CCNY: variants seen among roughly 807,000 people sequenced by gnomAD.
CCNY encodes cyclin-Y.
Under a neutral mutation model 42.8 loss-of-function variants are expected in CCNY, and 19 were observed. That is an observed-to-expected ratio of 0.44 (90% CI 0.31 to 0.65). The LOEUF is 0.65. CCNY is among the 30% of genes least tolerant of loss of function. CCNY has a pLI of 0.07. For synonymous variants in CCNY, 165 were observed against 162.7 expected, an observed-to-expected ratio of 1.01 and a Z score of -0.11; for missense variants, 370 against 437.3, an observed-to-expected ratio of 0.85 and a Z score of 1.37.
rs770672421 is a variant in CCNY, at chr10:35,566,127, C to T, written c.851C>T (p.Ala284Val). 15 of 1,614,090 alleles carry T rather than the reference C, an allele frequency of 9.3e-6. No individual in the cohort carries two copies. Among genetic ancestry groups the T allele is most frequent in the Admixed American group, 5.0e-5 (3 of 59,992 alleles). Residue 284 changes from alanine (A) to valine (V), a missense_variant, in exon 9 of 10, where the codon GCG (alanine) becomes GTG (valine). Ala to Val is a moderately conservative substitution (Grantham distance 64, BLOSUM62 0). This residue lies in a region of CCNY where 234 missense variants were observed against 313.1 expected (regional missense o/e 0.75). Coordinates refer to ENST00000374704, the MANE Select transcript of CCNY (RefSeq NM_145012.6). The part of the protein sequence containing the change: ...YYFDLRSLAE[A>V]NNLSFPLEPL... Reference sequence around the variant, plus strand: ...TTTGATCTTCGTTCTCTGGCAGAAGCGAACAACCTGAGCTTTCCCTTGGAG... The same window carrying T: ...TTTGATCTTCGTTCTCTGGCAGAAGTGAACAACCTGAGCTTTCCCTTGGAG...
At chr10:35,457,785 G>A (rs1452154665) in intron 1 of CCNY, among the ~76,000 whole-genome samples, 6 of 152,024 alleles carry the variant, frequency 3.9e-5, no homozygotes, top group Non-Finnish European at 7.4e-5. Flanking sequence ...GGGTTTCACC[G>A]TGTTAGCCAG....
At chr10:35,407,677 G>A (rs1437626681) in intron 1 of CCNY, among the ~76,000 whole-genome samples, 3 of 152,252 alleles carry the variant, frequency 2.0e-5, no homozygotes, top group East Asian at 1.9e-4. Context: ...GAGTTGAAGA[G>A]GTTTTAAGTT....
chr10:35,555,915 C>G lies in CCNY; in HGVS notation c.746+2730C>G, dbSNP rs1458839996. Among the ~76,000 whole-genome samples the G allele has an allele frequency of 2.0e-5, 3 of 151,652 alleles. No homozygotes were observed. In the East Asian group the frequency reaches 5.8e-4, roughly 29 times the overall value. Reference sequence around the variant, plus strand: ...ATAAGGTTGGATTTTTTTTCAAGTGCAAAATACTAATAGTTACTGTATTGA... The same window carrying G: ...ATAAGGTTGGATTTTTTTTCAAGTGGAAAATACTAATAGTTACTGTATTGA... On this transcript the variant is annotated intron_variant, in intron 8 of 9. Coordinates refer to ENST00000374704, the MANE Select transcript of CCNY (RefSeq NM_145012.6).
chr10:35,306,656 ACCCCTTCTCCCACATGCCCTCT>A (rs772486197), intron 3 of CCNY, among the ~76,000 whole-genome samples: 21 of 151,762 alleles, frequency 1.4e-4, no homozygotes, highest in South Asian at 6.3e-4. Context: ...CACTGTCCTC[ACCCCTTCTCCCACATGCCCTCT>A]CCCCTTCTCC....
chr10:35,507,108 C>T (rs1840230487), intron 3 of CCNY, among the ~76,000 whole-genome samples: 1 of 152,310 alleles, frequency 6.6e-6, no homozygotes, highest in Non-Finnish European at 1.5e-5. Context: ...TCACCTTGCT[C>T]AGGGACTTCT....
intron 1 of CCNY, among the ~76,000 whole-genome samples, chr10:35,441,497 T>C (rs763201735): frequency 2.6e-5 from 4 of 152,204 alleles, no homozygotes; most frequent in Non-Finnish European, 4.4e-5. Flanking sequence ...CTGGGCGCAG[T>C]GGCTGCGAGG....
At chr10:35,479,149 CTG>C (rs1434723553) in intron 1 of CCNY, among the ~76,000 whole-genome samples, 4 of 151,544 alleles carry the variant, frequency 2.6e-5, no homozygotes. Flanking sequence ...CACTTTTACA[CTG>C]TTGGTGGGAC....
At chr10:35,382,091 A>G (rs1309256227) in intron 1 of CCNY, among the ~76,000 whole-genome samples, 5 of 152,174 alleles carry the variant, frequency 3.3e-5, no homozygotes, top group African/African-American at 1.2e-4. Flanking sequence ...TGGGTGTCTA[A>G]TGTGTTAGAT....
At chr10:35,489,235 T>TA (rs1421214919) in intron 2 of CCNY, among the ~76,000 whole-genome samples, 1 of 152,264 alleles carries the variant, frequency 6.6e-6, no homozygotes, top group African/African-American at 2.4e-5. Context: ...GAGATGCCTC[T>TA]ATGGGTTGAT....
chr10:35,424,295 C>T (rs1317386853), intron 1 of CCNY, among the ~76,000 whole-genome samples: 12 of 152,174 alleles, frequency 7.9e-5, no homozygotes, highest in African/African-American at 2.7e-4. Flanking sequence ...GGCGTGATCT[C>T]GGCTCACCGC....
At chr10:35,538,418 A>G (rs1589191439) in intron 7 of CCNY, among the ~76,000 whole-genome samples, 1 of 152,296 alleles carries the variant, frequency 6.6e-6, no homozygotes, top group Middle Eastern at 3.4e-3. Context: ...ACAATTTCAG[A>G]TTTCCTTTGG....
At chr10:35,430,495 G>A (rs965063094) in intron 1 of CCNY, among the ~76,000 whole-genome samples, 3 of 152,088 alleles carry the variant, frequency 2.0e-5, no homozygotes, top group Non-Finnish European at 4.4e-5. Flanking sequence ...TCGTGTGACT[G>A]AAAATCAGGT....
intron 3 of CCNY, among the ~76,000 whole-genome samples, chr10:35,324,518 G>C (rs1443837423): frequency 6.6e-6 from 1 of 152,172 alleles, no homozygotes; most frequent in Admixed American, 6.5e-5. Flanking sequence ...AAATACGTAG[G>C]TATCTACTGT....
chr10:35,479,920 C>T (rs534881665), intron 1 of CCNY, among the ~76,000 whole-genome samples: 1 of 151,910 alleles, frequency 6.6e-6, no homozygotes, highest in Admixed American at 6.5e-5. Context: ...GTTTGTCATG[C>T]TTGGCTTCAG....
intron 1 of CCNY, 63 bp from the exon 2 acceptor site, chr10:35,483,341 A>T: frequency 9.2e-7 from 1 of 1,089,528 alleles, no homozygotes; most frequent in Non-Finnish European, 1.4e-6. Flanking sequence ...TAATTGAGTC[A>T]ATCTTGATTC....
intron 1 of CCNY, among the ~76,000 whole-genome samples, chr10:35,354,087 G>A (rs910051325): frequency 2.6e-5 from 4 of 152,146 alleles, no homozygotes; most frequent in African/African-American, 4.8e-5. Flanking sequence ...TGCCACACTG[G>A]CCTCTCCATA....
intron 3 of CCNY, among the ~76,000 whole-genome samples, chr10:35,282,766 T>C (rs1450205240): frequency 7.1e-6 from 1 of 141,282 alleles, no homozygotes; most frequent in Non-Finnish European, 1.6e-5. Flanking sequence ...TAAAAGAAAA[T>C]GGGGCTGTGG....
intron 1 of CCNY, among the ~76,000 whole-genome samples, chr10:35,348,034 G>T (rs1589050468): frequency 6.6e-6 from 1 of 152,170 alleles, no homozygotes; most frequent in Admixed American, 6.5e-5. Flanking sequence ...ACTTTTGTCA[G>T]TTTAGGGATA....
At chr10:35,483,609 T>C in intron 2 of CCNY, 131 bp downstream of exon 2, 1 of 553,934 alleles carries the variant, frequency 1.8e-6, no homozygotes, top group East Asian at 3.2e-5. Context: ...ATATACTGTT[T>C]AATGGTAGTT....
Sources: gnomAD v4.1 joint callset for allele counts (sites outside exome capture counted in the v4.1 genomes callset) on GRCh38, gnomAD v4.1.1 for gene constraint, gnomAD v4.1.1 regional missense constraint, MANE v1.5 for transcripts, NCBI Gene and HGNC (gene_info 2026-07-23, HGNC 2026-07-21) for gene names.